The following DMD variants were observed in gnomAD, a reference collection of about 807,000 sequenced individuals.
The protein encoded by DMD is mutant dystrophin.
A neutral mutation model predicts 330.1 loss-of-function variants in DMD; 63 were observed. The ratio of observed to expected loss-of-function variants is 0.19; its 90% confidence interval spans 0.16 to 0.24. The LOEUF is 0.24. DMD is among the 10% of genes least tolerant of loss of function. The probability of loss-of-function intolerance (pLI) is 1.00; values close to 1 mark genes in which losing one functional copy is unlikely to be tolerated. For missense variants in DMD, 3,344 were observed against 2,684.1 expected, an observed-to-expected ratio of 1.25 and a Z score of -5.43; for synonymous variants, 1,223 against 959.8, an observed-to-expected ratio of 1.27 and a Z score of -5.07.
chrX:31,556,366 C>CA (rs370514351), intron 55 of DMD, among the ~76,000 whole-genome samples: 12,320 of 52,252 alleles, frequency 0.24, 919 homozygotes, highest in Middle Eastern at 0.39. Context: ...GACTCTGTAT[C>CA]AAAAAAAAAA....
At chrX:32,408,200 T>A (rs140299182) in intron 30 of DMD, among the ~76,000 whole-genome samples, 1,312 of 111,993 alleles carry the variant, frequency 0.012, 21 homozygotes, top group African/African-American at 0.038. Context: ...TGTTACATCC[T>A]GGCAGCATGC....
At chrX:32,095,914 T>TC (rs1335469468) in intron 44 of DMD, among the ~76,000 whole-genome samples, 1 of 110,067 alleles carries the variant, frequency 9.1e-6, no homozygotes, top group Non-Finnish European at 1.9e-5. Flanking sequence ...TAAGTTTTTT[T>TC]TTTTATTATA....
At chrX:32,385,986 C>A (rs2097955134) in intron 33 of DMD, among the ~76,000 whole-genome samples, 1 of 109,619 alleles carries the variant, frequency 9.1e-6, no homozygotes, top group East Asian at 2.9e-4. Flanking sequence ...AACTAAGAAA[C>A]CCTTTTAGAG....
chrX:31,393,476 CAAAAAAAAAAAAAAACA>C (rs1404115339), intron 60 of DMD, among the ~76,000 whole-genome samples: 7 of 28,103 alleles, frequency 2.5e-4, no homozygotes, highest in African/African-American at 7.6e-4. Context: ...GACTCCATCT[CAAAAAAAAAAAAAAACA>C]AAAAAAAAAA....
At position 31,121,674 on chromosome X, in the gene DMD, A is replaced by T. The variant is rs2032586964; in HGVS notation, c.*245T>A. 2.2e-6 allele frequency: 1 copy of T among 449,566 alleles called. No homozygotes were observed. The highest frequency in any genetic ancestry group is 3.8e-5 in the Admixed American group (1 of 26,082). 37.0% of individuals were successfully genotyped at this position (449,566 alleles called of 1,213,427 possible). A position where few individuals can be genotyped will look rare whatever the true frequency, so the allele number is the denominator to read the frequency against. Reference sequence around the variant, plus strand: ...AGACGTGTAAAACCTGCCATTGTTAACAAAACAATAACAGACTTAGAAACT... The same window carrying T: ...AGACGTGTAAAACCTGCCATTGTTATCAAAACAATAACAGACTTAGAAACT... On this transcript the variant is annotated 3_prime_UTR_variant, in exon 79 of 79. Transcript: ENST00000357033.
At chrX:32,925,128 T>C (rs975896610) in intron 2 of DMD, among the ~76,000 whole-genome samples, 2 of 102,989 alleles carry the variant, frequency 1.9e-5, no homozygotes, top group Non-Finnish European at 2.0e-5. Context: ...ACTAAGTAGG[T>C]TTTTCAAAAA....
Position 32,780,788 on chromosome X carries a change from A to C in DMD, c.649+28705T>G, listed in dbSNP as rs552545604. 2.7e-4 allele frequency among the ~76,000 whole-genome samples: 30 copies of C among 110,381 alleles called. 1 individual carries two copies. The South Asian group carries it at 6.9e-3, about 26-fold the overall frequency. On this transcript the variant is annotated intron_variant, in intron 7 of 78. Coordinates refer to ENST00000357033, the MANE Select transcript of DMD (RefSeq NM_004006.3). ...CCTCACACTTTCATGTAATATGCTA[A>C]TGTAAAAGCCGTGTCTTCAAGAAAC...
intron 46 of DMD, among the ~76,000 whole-genome samples, chrX:31,931,261 TC>T (rs1209452879): frequency 9.1e-6 from 1 of 110,336 alleles, no homozygotes; most frequent in African/African-American, 3.3e-5. Flanking sequence ...TAATTTCTCT[TC>T]CCCTTTCACC....
chrX:31,270,201 T>TC (rs2051517607), intron 62 of DMD, among the ~76,000 whole-genome samples: 1 of 109,090 alleles, frequency 9.2e-6, no homozygotes, highest in East Asian at 2.9e-4. Flanking sequence ...TTTTTTTTTT[T>TC]CTCCTAGCCT....
At chrX:33,251,691 T>C (rs891157509) in intron 1 of DMD, among the ~76,000 whole-genome samples, 4 of 112,116 alleles carry the variant, frequency 3.6e-5, no homozygotes, top group African/African-American at 1.3e-4. Context: ...TTTAATATAA[T>C]GGTATATTGG....
In DMD at chrX:31,478,095, G is replaced by A. The variant is rs1426517820; in HGVS notation, c.8937+11C>T. On this transcript the variant is annotated intron_variant, in intron 59 of 78. Transcript: ENST00000357033. ...TCTCAAAGGGCCCTGAAGCAAAGAA[G>A]TAGACGGTACCTTGACTTTCTCGAG... The A allele has an allele frequency of 8.3e-7, 1 of 1,207,759 alleles. No individual in the cohort carries two copies. Among genetic ancestry groups the A allele is most frequent in the Non-Finnish European group, 1.1e-6 (1 of 894,520 alleles).
Position 31,209,529 on chromosome X carries a change from A to T in DMD, c.9532T>A (p.Cys3178Ser). Reference sequence around the variant, plus strand: ...TAAACATTCAGCAGCCAGTTCAGACACATATCCACGCAGAGAGGGACGTTG... The same window carrying T: ...TAAACATTCAGCAGCCAGTTCAGACTCATATCCACGCAGAGAGGGACGTTG... ...LVNVPLCVDMCLNWLLNVYDT... is the reference protein window; with the variant it reads ...LVNVPLCVDMSLNWLLNVYDT... Residue 3178 changes from cysteine to serine, a missense_variant, in exon 65 of 79, where the codon TGT becomes AGT. Transcript: ENST00000357033. The T allele has an allele frequency of 8.3e-7, 1 of 1,211,374 alleles. No individual in the cohort carries two copies. The highest frequency in any genetic ancestry group is 1.1e-6 in the Non-Finnish European group (1 of 895,406).
chrX:32,246,748 T>C (rs867499521), intron 43 of DMD, among the ~76,000 whole-genome samples: 2 of 108,689 alleles, frequency 1.8e-5, no homozygotes, highest in East Asian at 2.9e-4. Context: ...AGTTTATTTG[T>C]GTAGAGGTGT....
intron 52 of DMD, among the ~76,000 whole-genome samples, chrX:31,723,601 C>T: frequency 9.9e-6 from 1 of 100,600 alleles, no homozygotes; most frequent in Non-Finnish European, 2.0e-5. Context: ...TTACTGACTT[C>T]ATTTACTCCC....
chrX:33,022,261 G>A (rs2093928202), intron 1 of DMD, among the ~76,000 whole-genome samples: 1 of 110,803 alleles, frequency 9.0e-6, no homozygotes, highest in African/African-American at 3.3e-5. Context: ...TTAATCTAGA[G>A]GCTTTTAAGT....
At chrX:32,048,093 A>G (rs1026662693) in intron 44 of DMD, among the ~76,000 whole-genome samples, 1 of 102,075 alleles carries the variant, frequency 9.8e-6, no homozygotes, top group African/African-American at 3.6e-5. Flanking sequence ...ATAAATAGAC[A>G]TAACTATTAT....
chrX:32,519,719 T>G (rs2046238788), intron 17 of DMD, among the ~76,000 whole-genome samples: 1 of 112,104 alleles, frequency 8.9e-6, no homozygotes, highest in Non-Finnish European at 1.9e-5. Flanking sequence ...ACCTAATTAC[T>G]ATCACAAACA....
chrX:31,305,449 C>G (rs762662697), intron 62 of DMD, among the ~76,000 whole-genome samples: 2 of 111,738 alleles, frequency 1.8e-5, no homozygotes, highest in Admixed American at 1.9e-4. Context: ...CTTTCTGTCC[C>G]TCCTGACCTC....
chrX:32,514,690 G>C (rs1315794086), intron 18 of DMD, among the ~76,000 whole-genome samples: 1 of 112,532 alleles, frequency 8.9e-6, no homozygotes, highest in African/African-American at 3.2e-5. Flanking sequence ...GCAGTGAGCC[G>C]AGATCGCGCC....
Sources: gnomAD v4.1 joint callset for allele counts (sites outside exome capture counted in the v4.1 genomes callset) on GRCh38, gnomAD v4.1.1 for gene constraint, MANE v1.5 for transcripts, NCBI Gene and HGNC (gene_info 2026-07-23, HGNC 2026-07-21) for gene names.